Variants in PCDHA1 observed in about 807,000 individuals in gnomAD.
PCDHA1 encodes protocadherin alpha 1, also known as protocadherin alpha-1.
Under a neutral mutation model 61.3 loss-of-function variants are expected in PCDHA1, and 42 were observed. The ratio of observed to expected loss-of-function variants is 0.69; its 90% confidence interval spans 0.54 to 0.89. The LOEUF (loss-of-function observed/expected upper bound fraction) is 0.89. Ranked by LOEUF, PCDHA1 falls within the 40% of genes least tolerant of loss-of-function variation. The pLI is 0.00. For missense variants in PCDHA1, 1,256 were observed against 1,235.3 expected (o/e 1.02, Z -0.25); for synonymous variants, 610 against 553.8 (o/e 1.10, Z -1.43).
chr5:140,804,407 T>C (rs1554123071), intron 1 of PCDHA1: 1 of 152,034 alleles, frequency 6.6e-6, no homozygotes, highest in Non-Finnish European at 1.5e-5. Context: ...AGTTGTATAG[T>C]ATATTTATAT....
intron 1 of PCDHA1, among the ~76,000 whole-genome samples, chr5:140,900,446 T>C (rs1344652526): frequency 6.6e-6 from 1 of 152,154 alleles, no homozygotes; most frequent in African/African-American, 2.4e-5. Context: ...GCCGGCTAAT[T>C]TTTTATTTTT....
At chr5:140,883,634 G>C (rs782548505) in intron 1 of PCDHA1, 18 of 1,613,174 alleles carry the variant, frequency 1.1e-5, no homozygotes, top group African/African-American at 5.4e-5. Flanking sequence ...GCCGGCGTTC[G>C]CGCAGCCCGA....
At chr5:140,897,759 G>A (rs1238732675) in intron 1 of PCDHA1, among the ~76,000 whole-genome samples, 7 of 152,228 alleles carry the variant, frequency 4.6e-5, no homozygotes, top group South Asian at 2.1e-4. Flanking sequence ...CTGAGGAATC[G>A]CCACACTGAC....
rs200722492 is a variant in PCDHA1, at chr5:140,856,425, A to T, written c.2394+67741A>T. ...GTGGACGTGGAAGTGAAGGACATTAACGACAACCCGCCCAGGTTCTCCGTA... is the reference window on the plus strand; with the variant it reads ...GTGGACGTGGAAGTGAAGGACATTATCGACAACCCGCCCAGGTTCTCCGTA... On this transcript the variant is annotated intron_variant, in intron 1 of 3. Transcript: ENST00000504120. The T allele has an allele frequency of 2.3e-5, 37 of 1,598,204 alleles. 1 individual carries two copies. The highest frequency in any genetic ancestry group is 1.9e-4 in the Admixed American group (11 of 59,214).
intron 1 of PCDHA1, chr5:140,870,201 G>T: frequency 6.2e-7 from 1 of 1,614,140 alleles, no homozygotes; most frequent in South Asian, 1.1e-5. Flanking sequence ...AGCCCAGCAC[G>T]GTCATTGCCC....
At chr5:140,917,739 T>C (rs1554198287) in intron 1 of PCDHA1, among the ~76,000 whole-genome samples, 1 of 152,222 alleles carries the variant, frequency 6.6e-6, no homozygotes, top group African/African-American at 2.4e-5. Flanking sequence ...CTCTAACCTG[T>C]CCCATTGGTC....
intron 3 of PCDHA1, among the ~76,000 whole-genome samples, chr5:140,993,152 C>A (rs932484139): frequency 2.6e-4 from 39 of 152,142 alleles, no homozygotes; most frequent in African/African-American, 9.2e-4. Context: ...TAAATGGATT[C>A]TAAATATTTG....
chr5:140,897,726 A>T (rs149995278), intron 1 of PCDHA1, among the ~76,000 whole-genome samples: 22,632 of 152,088 alleles, frequency 0.15, 1,739 homozygotes, highest in Middle Eastern at 0.2. Flanking sequence ...GCTGGGTCAA[A>T]TAGTATTTCT....
intron 1 of PCDHA1, chr5:140,823,273 G>T (rs893775587): frequency 7.4e-6 from 12 of 1,612,400 alleles, no homozygotes; most frequent in Non-Finnish European, 1.0e-5. Flanking sequence ...GCGGGTGGGC[G>T]AGCGCCCGCT....
intron 1 of PCDHA1, chr5:140,857,572 G>C: frequency 6.3e-7 from 1 of 1,596,716 alleles, no homozygotes; most frequent in Non-Finnish European, 8.6e-7. Flanking sequence ...GCTACGTGTC[G>C]GTGCACGCGG....
chr5:140,809,116 G>C, intron 1 of PCDHA1: 4 of 1,613,978 alleles, frequency 2.5e-6, no homozygotes, highest in Non-Finnish European at 3.4e-6. Context: ...CGGACGCTCC[G>C]CGCCACCGCC....
intron 1 of PCDHA1, chr5:140,866,685 A>T (rs2049496850): frequency 6.6e-6 from 1 of 152,190 alleles, no homozygotes; most frequent in Admixed American, 6.5e-5. Context: ...TAGGTCTGTT[A>T]GAATATCAGT....
intron 1 of PCDHA1, among the ~76,000 whole-genome samples, chr5:140,954,419 T>TG (rs1413660060): frequency 1.3e-5 from 2 of 151,998 alleles, no homozygotes; most frequent in African/African-American, 4.8e-5. Context: ...AAGGTGTTCC[T>TG]TTTTCTCCAT....
At chr5:140,850,666 C>G in intron 1 of PCDHA1, 1 of 1,598,434 alleles carries the variant, frequency 6.3e-7, no homozygotes, top group Non-Finnish European at 8.6e-7. Flanking sequence ...CTGCGGTGCT[C>G]GGCGATGCCC....
At chr5:140,803,336 C>T (rs1554122727) in intron 1 of PCDHA1, 2 of 1,614,180 alleles carry the variant, frequency 1.2e-6, no homozygotes, top group Non-Finnish European at 8.5e-7. Context: ...TGTTGGTGCT[C>T]ACACTGCTGC....
chr5:140,841,344 A>G, intron 1 of PCDHA1: 5 of 1,612,282 alleles, frequency 3.1e-6, no homozygotes, highest in Non-Finnish European at 4.2e-6. Flanking sequence ...TGGCGAGGAG[A>G]GCTGGGATCC....
intron 1 of PCDHA1, chr5:140,794,735 A>G: frequency 4.0e-6 from 2 of 499,934 alleles, no homozygotes; most frequent in Non-Finnish European, 6.9e-6. Context: ...TTAAACCAGA[A>G]AATCGACTAG....
At chr5:140,950,669 G>C (rs1554219570) in intron 1 of PCDHA1, among the ~76,000 whole-genome samples, 1 of 151,992 alleles carries the variant, frequency 6.6e-6, no homozygotes, top group African/African-American at 2.4e-5. Flanking sequence ...TATCAAACAT[G>C]TACATGTATA....
chr5:140,840,409 T>C (rs1242037387), intron 1 of PCDHA1, among the ~76,000 whole-genome samples: 1 of 151,904 alleles, frequency 6.6e-6, no homozygotes, highest in East Asian at 1.9e-4. Context: ...TAAGAATACT[T>C]CAAATAATAG....
Sources: allele counts gnomAD v4.1 joint callset (sites outside exome capture counted in the v4.1 genomes callset), GRCh38; gene constraint gnomAD v4.1.1; transcripts MANE v1.5; gene names NCBI Gene and HGNC (gene_info 2026-07-23, HGNC 2026-07-21).